CSPG4: variants seen among roughly 807,000 people sequenced by gnomAD.
The protein encoded by CSPG4 is chondroitin sulfate proteoglycan 4, also known as chondroitin sulfate proteoglycan 4 (melanoma-associated).
CSPG4 carries 74 observed loss-of-function variants against 139.3 expected under a neutral mutation model. The observed-to-expected ratio is 0.53, with a 90% CI of 0.44 to 0.64. CSPG4 has a LOEUF of 0.64. Among genes scored for constraint, CSPG4 ranks in the 30% least tolerant of loss-of-function variants. The probability of loss-of-function intolerance (pLI) is 0.00; values close to 1 mark genes in which losing one functional copy is unlikely to be tolerated. For missense variants in CSPG4, 2,565 were observed against 3,148.3 expected (o/e 0.81, Z 4.43); for synonymous variants, 1,234 against 1,394.2 (o/e 0.89, Z 2.56).
rs866288847 is a variant in CSPG4 at position 75,675,519 on chromosome 15, G to A, written c.*31C>T. The A allele has an allele frequency of 6.8e-7, 1 of 1,466,848 alleles. No individual in the cohort carries two copies. The highest frequency in any genetic ancestry group is 1.6e-5 in the South Asian group (1 of 63,264). 90.9% of individuals were successfully genotyped at this position (1,466,848 alleles called of 1,614,324 possible). A position where few individuals can be genotyped will look rare whatever the true frequency, so the allele number is the denominator to read the frequency against. ...CGGGACATGGGCAAGCCTGTCCCTG[G>A]CCCGATCAGCATCTGGGCCCAGGCC... is the stretch of plus-strand genomic sequence containing the variant. On this transcript the variant is annotated 3_prime_UTR_variant, in exon 10 of 10. Transcript: ENST00000308508.
Position 75,687,429 on chromosome 15 carries a change from G to A in CSPG4, c.3636C>T (p.Ala1212=). ...GCACTGGCCCTGCTTCCACGGAGAA[G>A]GCCATGGTGTCGCGGGGGCTGAGGC... ...NGSLSPRDTM[A]FSVEAGPVHT... The change falls in exon 3 of 10, where the codon GCC becomes GCT. Residue 1212 remains alanine (A), a synonymous_variant. Coordinates refer to ENST00000308508, the MANE Select transcript of CSPG4 (RefSeq NM_001897.5). This position sits in a 1 kb window ranked among gnomAD's most constrained non-coding sequence, Gnocchi z 5.4. 1 of 1,612,822 alleles carries A rather than the reference G, an allele frequency of 6.2e-7. No individual in the cohort carries two copies. The highest frequency in any genetic ancestry group is 8.5e-7 in the Non-Finnish European group (1 of 1,179,792).
intron 2 of CSPG4, 137 bp from the exon 3 acceptor site, chr15:75,690,949 C>T (rs576952112): frequency 1.1e-5 from 10 of 898,966 alleles, no homozygotes; most frequent in South Asian, 3.8e-5. Flanking sequence ...CCAAGGCAGG[C>T]GGATCACCTG....
In CSPG4 at chr15:75,698,919, A is replaced by G. The variant is rs537080915; in HGVS notation, c.89-5686T>C. Among the ~76,000 whole-genome samples, 1 of 152,248 alleles carries G rather than the reference A, an allele frequency of 6.6e-6. No individual in the cohort carries two copies. Among genetic ancestry groups the G allele is most frequent in the East Asian group, 1.9e-4 (1 of 5,170 alleles). ...GCCCAGTGATGACACTGGGGTCACCAGGGCCCAGGCCTAGAAGGCTCATCA... is the reference window on the plus strand; with the variant it reads ...GCCCAGTGATGACACTGGGGTCACCGGGGCCCAGGCCTAGAAGGCTCATCA... On this transcript the variant is annotated intron_variant, in intron 1 of 9. Coordinates refer to ENST00000308508, the MANE Select transcript of CSPG4 (RefSeq NM_001897.5). The surrounding 1 kb of genome is among the most constrained non-coding windows in gnomAD (Gnocchi z 4.3).
rs574957231 is a variant in CSPG4, at chr15:75,692,965, T to C, written c.252+105A>G. ...CAGTGGAGAACTTAAGACCCCAAGA[T>C]AAAAGTGACTTACACAAGGTCACAC... On this transcript the variant is annotated intron_variant, in intron 2 of 9. Coordinates refer to ENST00000308508, the MANE Select transcript of CSPG4 (RefSeq NM_001897.5). 5.6e-4 allele frequency: 346 copies of C among 616,062 alleles called. No individual in the cohort carries two copies. The African/African-American group carries it at 5.9e-3, about 11-fold the overall frequency. The allele number at this position is 616,062 out of a possible 1,614,324, so 38.2% of individuals were successfully genotyped here. A position where few individuals can be genotyped will look rare whatever the true frequency, so the allele number is the denominator to read the frequency against.
At chr15:75,691,919 A>C (rs182819103) in intron 2 of CSPG4, among the ~76,000 whole-genome samples, 115 of 152,318 alleles carry the variant, frequency 7.5e-4, no homozygotes, top group African/African-American at 2.6e-3. Flanking sequence ...TTTAACAGTG[A>C]AAGCAGCAGA....
rs1245084129 is a variant in CSPG4 at position 75,712,842 on chromosome 15, T to C, written c.-87A>G. On this transcript the variant is annotated 5_prime_UTR_variant, in exon 1 of 10. Transcript: ENST00000308508. Reference sequence around the variant, plus strand: ...AGTGGAGCGAGCGCGGCTCTGCTCCTGGGCGCGGGCCGGCTCCGGGTGTCC... The same window carrying C: ...AGTGGAGCGAGCGCGGCTCTGCTCCCGGGCGCGGGCCGGCTCCGGGTGTCC... The C allele has an allele frequency of 1.3e-5, 16 of 1,204,204 alleles. No homozygotes were observed. The highest frequency in any genetic ancestry group is 3.0e-5 in the East Asian group (1 of 33,302). The allele number at this position is 1,204,204 out of a possible 1,614,324, so 74.6% of individuals were successfully genotyped here. A position where few individuals can be genotyped will look rare whatever the true frequency, so the allele number is the denominator to read the frequency against.
chr15:75,677,278 C>T lies in CSPG4; in HGVS notation c.5241G>A (p.Val1747=), dbSNP rs1893907894. ...VPSPQRSEHD[V]LFQVTQFPSR... ...TGGGGAACTGTGTGACCTGGAAGAGCACATCATGCTCTGAGCGCTGGGGTG... is the reference window on the plus strand; with the variant it reads ...TGGGGAACTGTGTGACCTGGAAGAGTACATCATGCTCTGAGCGCTGGGGTG... The change falls in exon 10 of 10, where the codon GTG becomes GTA. Residue 1747 remains valine (V), a synonymous_variant. Coordinates refer to ENST00000308508, the MANE Select transcript of CSPG4 (RefSeq NM_001897.5). The T allele has an allele frequency of 6.7e-7, 1 of 1,492,770 alleles. No individual in the cohort carries two copies. The highest frequency in any genetic ancestry group is 9.0e-7 in the Non-Finnish European group (1 of 1,116,252). 92.5% of individuals were successfully genotyped at this position (1,492,770 alleles called of 1,614,324 possible). A position where few individuals can be genotyped will look rare whatever the true frequency, so the allele number is the denominator to read the frequency against.
chr15:75,712,895 G>T, upstream of CSPG4: 1 of 619,816 alleles, frequency 1.6e-6, no homozygotes, highest in Non-Finnish European at 2.6e-6. Flanking sequence ...GGCGGGGCAG[G>T]CGCAGACCCG....
Position 75,688,954 on chromosome 15 carries a change from G to A in CSPG4, c.2111C>T (p.Thr704Ile). The A allele has an allele frequency of 1.2e-6, 2 of 1,612,598 alleles. No homozygotes were observed. The highest frequency in any genetic ancestry group is 2.2e-5 in the South Asian group (2 of 91,066). Residue 704 changes from threonine to isoleucine, a missense_variant, in exon 3 of 10, where the codon ACT (threonine) becomes ATT (isoleucine). This residue lies in a region of CSPG4 where 2,316 missense variants were observed against 2,818.2 expected (regional missense o/e 0.82). Coordinates refer to ENST00000308508, the MANE Select transcript of CSPG4 (RefSeq NM_001897.5). Reference protein sequence around the residue: ...GQDVSVLFRVTGALQFGELQK... With the variant: ...GQDVSVLFRVIGALQFGELQK... ...CAGCTCCCCAAACTGCAGGGCCCCA[G>A]TGACGCGGAACAGCACGCTCACATC...
In CSPG4 at chr15:75,676,955, T is replaced by TG; in HGVS notation, c.5563dup (p.Gln1855ProfsTer15). On this transcript the variant is annotated frameshift_variant, in exon 10 of 10. Transcript: ENST00000308508. LOFTEE classifies it low-confidence loss of function (END_TRUNC). Reference sequence around the variant, plus strand: ...TGAGTCTGGGTCCACCACACTCAGCTGGGCCCGGGAGATGGGGGCACGAGA... The same window carrying TG: ...TGAGTCTGGGTCCACCACACTCAGCTGGGGCCCGGGAGATGGGGGCACGAGA... 6.6e-7 allele frequency: 1 copy of TG among 1,515,456 alleles called. No homozygotes were observed. Among genetic ancestry groups the TG allele is most frequent in the Non-Finnish European group, 8.9e-7 (1 of 1,126,716 alleles). 93.9% of individuals were successfully genotyped at this position (1,515,456 alleles called of 1,614,324 possible).
At chr15:75,712,984 G>A, upstream of CSPG4, 1 of 514,824 alleles carries the variant, frequency 1.9e-6, no homozygotes, top group East Asian at 3.6e-5. Context: ...GTGCGGGGCT[G>A]TTCCTCTCTG....
intron 1 of CSPG4, among the ~76,000 whole-genome samples, chr15:75,711,083 G>C (rs189858866): frequency 1.8e-4 from 27 of 148,862 alleles, no homozygotes; most frequent in Non-Finnish European, 3.3e-4. Context: ...CTCTGCTTAC[G>C]CCCACCTTGG....
chr15:75,691,301 A>T (rs1894162800), intron 2 of CSPG4, among the ~76,000 whole-genome samples: 1 of 152,148 alleles, frequency 6.6e-6, no homozygotes. Flanking sequence ...CATCCTCCAA[A>T]CACTCACCAA....
At position 75,674,482 on chromosome 15, in the gene CSPG4, T is replaced by C. The variant is rs1893861412; in HGVS notation, c.*1068A>G. ...AGGAGGTCTGGGAGGCCCCAGGAGG[T>C]GGAAGTTCAGAGGCCTGCCTGGCCC... On this transcript the variant is annotated 3_prime_UTR_variant, in exon 10 of 10. Transcript: ENST00000308508. 1 of 372,800 alleles carries C rather than the reference T, an allele frequency of 2.7e-6. No individual in the cohort carries two copies. Among genetic ancestry groups the C allele is most frequent in the African/African-American group, 2.1e-5 (1 of 47,980 alleles). 23.1% of individuals were successfully genotyped at this position (372,800 alleles called of 1,614,324 possible).
In CSPG4 at chr15:75,676,747, C is replaced by T; in HGVS notation, c.5772G>A (p.Gly1924=). ...GGGACATGGGCAGGGGTGGGCTGGC[C>T]CCATCAGACATGCTCAGCTGGAAGA... ...AGIFQLSMSD[G]ASPPLPMSLA... The change falls in exon 10 of 10, where the codon GGG becomes GGA. Residue 1924 remains glycine, a synonymous_variant. Coordinates refer to ENST00000308508, the MANE Select transcript of CSPG4 (RefSeq NM_001897.5). The T allele has an allele frequency of 6.4e-7, 1 of 1,567,718 alleles. No homozygotes were observed.
rs374179825 is a variant in CSPG4 at position 75,688,621 on chromosome 15, C to T, written c.2444G>A (p.Gly815Asp). 5 of 1,612,626 alleles carry T rather than the reference C, an allele frequency of 3.1e-6. No homozygotes were observed. In the African/African-American group the frequency reaches 4.0e-5, roughly 13 times the overall value. Residue 815 changes from glycine to aspartate, a missense_variant, in exon 3 of 10, where the codon GGC becomes GAC. By Grantham distance (94) the Gly-to-Asp change is moderately conservative. Transcript: ENST00000308508. ...AHLEATLEEA[G>D]PSPPTFHYEV... ...ATAATGGAAGGTTGGGGGGCTTGGG[C>T]CTGCCTCCTCCAGGGTGGCCTCCAG...
At chr15:75,700,208 G>A (rs1596012599) in intron 1 of CSPG4, among the ~76,000 whole-genome samples, 1 of 152,206 alleles carries the variant, frequency 6.6e-6, no homozygotes, top group Non-Finnish European at 1.5e-5. Context: ...CACCGTGTGT[G>A]CACCCAGAGA....
chr15:75,689,607 C>T lies in CSPG4; in HGVS notation c.1458G>A (p.Pro486=), dbSNP rs542755731. Reference sequence around the variant, plus strand: ...TGAACATTTTTCGTGCCTGGGCTCCCGGGATGTCCAGCTCGAGCTCGCCAT... The same window carrying T: ...TGAACATTTTTCGTGCCTGGGCTCCTGGGATGTCCAGCTCGAGCTCGCCAT... The part of the protein sequence containing the change: ...ARHGELELDI[P]GAQARKMFTL... Residue 486 remains proline, a synonymous_variant, in exon 3 of 10, where the codon CCG becomes CCA. Coordinates refer to ENST00000308508, the MANE Select transcript of CSPG4 (RefSeq NM_001897.5). The T allele has an allele frequency of 1.4e-5, 23 of 1,612,830 alleles. No individual in the cohort carries two copies. Among genetic ancestry groups the T allele is most frequent in the Middle Eastern group, 1.7e-4 (1 of 5,994 alleles).
Position 75,676,492 on chromosome 15 carries a change from C to T in CSPG4, c.6027G>A (p.Glu2009=), listed in dbSNP as rs1286741418. The part of the protein sequence containing the change: ...AFSQFQIDQG[E]VVFAFTNFSS... Reference sequence around the variant, plus strand: ...AGAAGTTGGTGAAGGCAAAGACCACCTCGCCCTGGTCTATCTGGAATTGGC... The same window carrying T: ...AGAAGTTGGTGAAGGCAAAGACCACTTCGCCCTGGTCTATCTGGAATTGGC... The change falls in exon 10 of 10, where the codon GAG becomes GAA. Residue 2009 remains glutamate (E), a synonymous_variant. Transcript: ENST00000308508. 6.2e-7 allele frequency: 1 copy of T among 1,614,014 alleles called. No individual in the cohort carries two copies. The highest frequency in any genetic ancestry group is 2.2e-5 in the East Asian group (1 of 44,888).
Sources: gnomAD v4.1 joint callset for allele counts (sites outside exome capture counted in the v4.1 genomes callset) on GRCh38, gnomAD v4.1.1 for gene constraint, gnomAD v4.1.1 regional missense constraint, Gnocchi (gnomAD v3.1) non-coding constraint, MANE v1.5 for transcripts, NCBI Gene and HGNC (gene_info 2026-07-23, HGNC 2026-07-21) for gene names.